WWOX: variants seen among roughly 807,000 people sequenced by gnomAD.
WWOX encodes the protein WW domain containing oxidoreductase.
WWOX carries 69 observed loss-of-function variants against 46.2 expected under a neutral mutation model. That is an observed-to-expected ratio of 1.49 (90% confidence interval 1.23 to 1.82). The LOEUF is 1.82. Ranked by LOEUF, WWOX falls within the 40% of genes most tolerant of loss-of-function variation. The pLI is 0.00. For missense variants in WWOX, 919 were observed against 542.6 expected, an observed-to-expected ratio of 1.69 and a Z score of -6.89; for synonymous variants, 359 against 202.6, an observed-to-expected ratio of 1.77 and a Z score of -6.56.
intron 8 of WWOX, among the ~76,000 whole-genome samples, chr16:78,935,196 C>T (rs550292018): frequency 1.2e-4 from 19 of 152,254 alleles, no homozygotes; most frequent in African/African-American, 3.1e-4. Flanking sequence ...GACATTGTGG[C>T]GATTCCTCAA....
chr16:78,428,466 C>G (rs2083138530), intron 7 of WWOX, among the ~76,000 whole-genome samples: 1 of 152,258 alleles, frequency 6.6e-6, no homozygotes. Flanking sequence ...CAGGGGTCAC[C>G]CTTACAGGGA....
At chr16:79,032,239 G>C (rs1391344408) in intron 8 of WWOX, among the ~76,000 whole-genome samples, 1 of 144,922 alleles carries the variant, frequency 6.9e-6, no homozygotes, top group African/African-American at 2.5e-5. Context: ...TATGTATAGA[G>C]AGTCTATTAT....
At chr16:78,467,051 T>C (rs1271102755) in intron 8 of WWOX, among the ~76,000 whole-genome samples, 1 of 152,180 alleles carries the variant, frequency 6.6e-6, no homozygotes, top group Non-Finnish European at 1.5e-5. Context: ...ACCATGCTAT[T>C]GATTAGTTAT....
intron 8 of WWOX, among the ~76,000 whole-genome samples, chr16:78,816,089 C>A (rs750689177): frequency 6.6e-6 from 1 of 152,136 alleles, no homozygotes; most frequent in Non-Finnish European, 1.5e-5. Flanking sequence ...CATGGAATCC[C>A]CTCTGCCTTA....
chr16:78,375,305 A>T (rs976443244), intron 5 of WWOX, among the ~76,000 whole-genome samples: 2 of 152,256 alleles, frequency 1.3e-5, no homozygotes, highest in African/African-American at 4.8e-5. Context: ...CATTCAGCCA[A>T]ACAGCCTGAA....
At chr16:79,001,213 CG>C (rs1015205689) in intron 8 of WWOX, among the ~76,000 whole-genome samples, 1 of 152,166 alleles carries the variant, frequency 6.6e-6, no homozygotes, top group African/African-American at 2.4e-5. Context: ...TCTCGAGGAA[CG>C]GAGGCCGGTT....
Position 78,661,992 on chromosome 16 carries a change from C to T in WWOX, c.1056+229240C>T, listed in dbSNP as rs557706844. On this transcript the variant is annotated intron_variant, in intron 8 of 8. Transcript: ENST00000566780. ...CCGGTAGATGGAGGTTGCAATGAAC[C>T]GAGATTGTGCCACTGCACTCCAGCC... is the stretch of plus-strand genomic sequence containing the variant. Among the ~76,000 whole-genome samples, 5 of 152,172 alleles carry T rather than the reference C, an allele frequency of 3.3e-5. No individual in the cohort carries two copies. In the South Asian group the frequency reaches 6.2e-4, roughly 19 times the overall value.
rs2047571105 is a variant in WWOX at position 79,023,263 on chromosome 16, C to G, written c.1057-188345C>G. 2.6e-5 allele frequency among the ~76,000 whole-genome samples: 4 copies of G among 152,300 alleles called. No homozygotes were observed. In the South Asian group the frequency reaches 6.2e-4, roughly 24 times the overall value. Reference sequence around the variant, plus strand: ...TGTGTAATAAAAGAATTACTGTTCTCCCTTTGCATTTATGCATTGCATGTC... The same window carrying G: ...TGTGTAATAAAAGAATTACTGTTCTGCCTTTGCATTTATGCATTGCATGTC... On this transcript the variant is annotated intron_variant, in intron 8 of 8. Transcript: ENST00000566780.
intron 8 of WWOX, among the ~76,000 whole-genome samples, chr16:78,996,740 T>C (rs2046997723): frequency 6.6e-6 from 1 of 152,168 alleles, no homozygotes; most frequent in South Asian, 2.1e-4. Flanking sequence ...AACAGGTTGC[T>C]CTGCAATTCT....
intron 3 of WWOX, among the ~76,000 whole-genome samples, chr16:78,110,138 G>A (rs2032405874): frequency 6.6e-6 from 1 of 151,696 alleles, no homozygotes; most frequent in Non-Finnish European, 1.5e-5. Flanking sequence ...TCAAGAGATC[G>A]AGACCATTCT....
intron 8 of WWOX, among the ~76,000 whole-genome samples, chr16:78,752,866 T>C (rs1289449138): frequency 6.6e-6 from 1 of 152,224 alleles, no homozygotes; most frequent in Non-Finnish European, 1.5e-5. Flanking sequence ...TCAGGCTTCC[T>C]GATCTAAATC....
intron 8 of WWOX, among the ~76,000 whole-genome samples, chr16:78,756,509 G>C (rs1397024153): frequency 6.6e-6 from 1 of 152,162 alleles, no homozygotes; most frequent in Non-Finnish European, 1.5e-5. Flanking sequence ...ACTTTAGCCA[G>C]AACACACTGA....
At chr16:78,896,577 ACACTGAAGC>A (rs1242534358) in intron 8 of WWOX, 4 of 152,314 alleles carry the variant, frequency 2.6e-5, no homozygotes, top group Admixed American at 2.0e-4. Flanking sequence ...GGGACATATG[ACACTGAAGC>A]CTACTCTCTT....
chr16:78,726,583 A>G (rs2048841994), intron 8 of WWOX, among the ~76,000 whole-genome samples: 1 of 149,330 alleles, frequency 6.7e-6, no homozygotes. Flanking sequence ...ATGGGATAGT[A>G]GGTAAATTAA....
chr16:78,376,206 C>G (rs113053685), intron 5 of WWOX, among the ~76,000 whole-genome samples: 60 of 152,240 alleles, frequency 3.9e-4, no homozygotes, highest in African/African-American at 1.3e-3. Context: ...AGAGATTGTT[C>G]TGTAATTTCT....
At chr16:78,527,923 C>G (rs11150084) in intron 8 of WWOX, among the ~76,000 whole-genome samples, 85,772 of 149,046 alleles carry the variant, frequency 0.58, 26,062 homozygotes, top group Admixed American at 0.69. Context: ...CAGCAGTGCC[C>G]AGGTTGGGAA....
At chr16:78,783,913 G>A (rs28620759) in intron 8 of WWOX, among the ~76,000 whole-genome samples, 98,448 of 151,352 alleles carry the variant, frequency 0.65, 32,254 homozygotes, top group Admixed American at 0.7. Flanking sequence ...CGATGGTGAT[G>A]ATGATGTCGA....
At chr16:78,792,977 G>A (rs1029718139) in intron 8 of WWOX, among the ~76,000 whole-genome samples, 7 of 152,160 alleles carry the variant, frequency 4.6e-5, no homozygotes, top group Non-Finnish European at 8.8e-5. Flanking sequence ...TATTTCGTTG[G>A]TGCTCAAGTG....
intron 8 of WWOX, among the ~76,000 whole-genome samples, chr16:78,639,542 C>A (rs1428010601): frequency 6.6e-6 from 1 of 151,294 alleles, no homozygotes. Flanking sequence ...GAGAGGCCTC[C>A]CCTCAGACTC....
Sources: gnomAD v4.1 joint callset for allele counts (sites outside exome capture counted in the v4.1 genomes callset) on GRCh38, gnomAD v4.1.1 for gene constraint, MANE v1.5 for transcripts, NCBI Gene and HGNC (gene_info 2026-07-23, HGNC 2026-07-21) for gene names.